The following RAB7A variants were observed in gnomAD, a reference collection of about 807,000 sequenced individuals.
RAB7A encodes RAB7A, member RAS oncogene family.
RAB7A carries 2 observed loss-of-function variants against 24.5 expected under a neutral mutation model. The observed-to-expected ratio is 0.08, with a 90% CI of 0.03 to 0.26. The LOEUF is 0.26. RAB7A is among the 10% of genes least tolerant of loss of function. The pLI is 1.00. For synonymous variants in RAB7A, 100 were observed against 95.9 expected (o/e 1.04, Z -0.25); for missense variants, 118 against 255.7 (o/e 0.46, Z 3.67).
Position 128,807,576 on chromosome 3 carries a change from A to G in RAB7A, c.433A>G (p.Ser145Gly). ...AAAGCGGGCACAGGCCTGGTGCTAC[A>G]GCAAAAACAACATTCCCTACTTTGA... ...ATKRAQAWCY[S>G]KNNIPYFETS... is the part of the protein sequence containing the mutation. The change falls in exon 5 of 6, where the codon AGC (serine) becomes GGC (glycine). Residue 145 changes from serine to glycine, a missense_variant. Physicochemically the swap from Ser to Gly is moderately conservative, Grantham distance 56 (BLOSUM62 0). Transcript: ENST00000265062. 2 of 1,614,206 alleles carry G rather than the reference A, an allele frequency of 1.2e-6. No individual in the cohort carries two copies. The highest frequency in any genetic ancestry group is 1.7e-6 in the Non-Finnish European group (2 of 1,180,036).
At chr3:128,742,255 G>A (rs1020692094) in intron 1 of RAB7A, among the ~76,000 whole-genome samples, 1 of 152,100 alleles carries the variant, frequency 6.6e-6, no homozygotes, top group African/African-American at 2.4e-5. Flanking sequence ...GCTGGCTTCA[G>A]GAGTGAAGCT....
chr3:128,729,710 C>CT (rs1389203219), intron 1 of RAB7A, among the ~76,000 whole-genome samples: 1 of 152,164 alleles, frequency 6.6e-6, no homozygotes, highest in Non-Finnish European at 1.5e-5. Flanking sequence ...ACATTCCTCT[C>CT]TGGCATTTGA....
At chr3:128,749,742 T>G (rs143566243) in intron 1 of RAB7A, among the ~76,000 whole-genome samples, 1,821 of 152,288 alleles carry the variant, frequency 0.012, 33 homozygotes, top group African/African-American at 0.039. Flanking sequence ...GCCATCCATG[T>G]GAGATGTGAC....
intron 1 of RAB7A, among the ~76,000 whole-genome samples, chr3:128,759,785 C>G (rs1459246410): frequency 3.3e-5 from 5 of 152,112 alleles, no homozygotes; most frequent in Admixed American, 1.3e-4. Context: ...TCTTGGCTCA[C>G]TGCAACCTCC....
intron 1 of RAB7A, among the ~76,000 whole-genome samples, chr3:128,739,955 A>G (rs1255509156): frequency 6.6e-6 from 1 of 152,166 alleles, no homozygotes; most frequent in Non-Finnish European, 1.5e-5. Context: ...AATCCCAGCT[A>G]CTTGGGAGGC....
At chr3:128,752,247 A>G (rs141907727) in intron 1 of RAB7A, among the ~76,000 whole-genome samples, 1,777 of 152,298 alleles carry the variant, frequency 0.012, 31 homozygotes, top group African/African-American at 0.038. Context: ...TATACTGACT[A>G]CACTAACAGT....
At chr3:128,781,187 C>T (rs1469610324) in intron 1 of RAB7A, among the ~76,000 whole-genome samples, 2 of 152,126 alleles carry the variant, frequency 1.3e-5, no homozygotes, top group African/African-American at 4.8e-5. Flanking sequence ...TGAGAGATTA[C>T]AGTAGTGAGA....
chr3:128,743,032 G>T (rs951185345), intron 1 of RAB7A, among the ~76,000 whole-genome samples: 2 of 152,216 alleles, frequency 1.3e-5, no homozygotes, highest in African/African-American at 4.8e-5. Context: ...AGGAGGGCTC[G>T]GGCATGGCGG....
chr3:128,796,974 C>A (rs1933590131), intron 2 of RAB7A, among the ~76,000 whole-genome samples: 1 of 152,148 alleles, frequency 6.6e-6, no homozygotes, highest in African/African-American at 2.4e-5. Context: ...TTTGAAGAAC[C>A]TTTTGTTCGC....
chr3:128,765,216 C>G (rs532855017), intron 1 of RAB7A, among the ~76,000 whole-genome samples: 82 of 152,274 alleles, frequency 5.4e-4, no homozygotes, highest in African/African-American at 2.0e-3. Context: ...CGAAGAATGT[C>G]TCTGCTACCC....
At chr3:128,743,197 C>T (rs1264426843) in intron 1 of RAB7A, among the ~76,000 whole-genome samples, 1 of 152,178 alleles carries the variant, frequency 6.6e-6, no homozygotes, top group South Asian at 2.1e-4. Context: ...AGGCCGGTGG[C>T]GCCAGCCGGC....
At chr3:128,780,318 A>C (rs1487032995) in intron 1 of RAB7A, among the ~76,000 whole-genome samples, 1 of 152,220 alleles carries the variant, frequency 6.6e-6, no homozygotes, top group Non-Finnish European at 1.5e-5. Context: ...TGTTGTAACT[A>C]TATTTCTATC....
chr3:128,808,030 T>C (rs1481132957), intron 5 of RAB7A, among the ~76,000 whole-genome samples: 1 of 152,144 alleles, frequency 6.6e-6, no homozygotes, highest in Non-Finnish European at 1.5e-5. Flanking sequence ...CCAGCTCTGC[T>C]GCGTACCAAT....
At chr3:128,770,155 A>G (rs2107600342) in intron 1 of RAB7A, among the ~76,000 whole-genome samples, 1 of 152,106 alleles carries the variant, frequency 6.6e-6, no homozygotes, top group Admixed American at 6.5e-5. Flanking sequence ...GGCGCCTGCC[A>G]CCACACCCAG....
rs531053011 is a variant in RAB7A at position 128,809,774 on chromosome 3, G to A, written c.528+2103G>A. On this transcript the variant is annotated intron_variant, in intron 5 of 5. Coordinates refer to ENST00000265062, the MANE Select transcript of RAB7A (RefSeq NM_004637.6). ...ATCATTCAGCTATGTTACACAAGCC[G>A]TTTCCCTCCCTGAATAGACCGTGGC... Among the ~76,000 whole-genome samples the A allele has an allele frequency of 7.9e-5, 12 of 151,662 alleles. No homozygotes were observed. In the South Asian group the frequency reaches 1.5e-3, roughly 18 times the overall value.
chr3:128,779,543 T>C (rs1178282653), intron 1 of RAB7A, among the ~76,000 whole-genome samples: 1 of 135,356 alleles, frequency 7.4e-6, no homozygotes, highest in Non-Finnish European at 1.5e-5. Flanking sequence ...GCAGCAATGC[T>C]GAGACACTGG....
intron 1 of RAB7A, chr3:128,764,411 CT>C: frequency 5.5e-6 from 4 of 723,168 alleles, no homozygotes; most frequent in Non-Finnish European, 1.0e-5. Context: ...CATGCATGCA[CT>C]GCCTTAGTGA....
At chr3:128,790,633 A>G (rs1196360210) in intron 1 of RAB7A, among the ~76,000 whole-genome samples, 1 of 152,168 alleles carries the variant, frequency 6.6e-6, no homozygotes, top group African/African-American at 2.4e-5. Context: ...CATTTAGTGA[A>G]TTGTTCATCT....
chr3:128,782,680 G>T (rs552845233), intron 1 of RAB7A, among the ~76,000 whole-genome samples: 3 of 101,990 alleles, frequency 2.9e-5, no homozygotes, highest in East Asian at 7.0e-4. Context: ...ATGGCGGGGT[G>T]GGGGGTGGGG....
Sources: allele counts gnomAD v4.1 joint callset (sites outside exome capture counted in the v4.1 genomes callset), GRCh38; gene constraint gnomAD v4.1.1; transcripts MANE v1.5; gene names NCBI Gene and HGNC (gene_info 2026-07-23, HGNC 2026-07-21).